Variants in CCBE1 observed in about 807,000 individuals in gnomAD.
CCBE1 encodes collagen and calcium binding EGF domains 1.
CCBE1 carries 37 observed loss-of-function variants against 50.0 expected under a neutral mutation model. The observed-to-expected ratio is 0.74, with a 90% CI of 0.57 to 0.97. The LOEUF (loss-of-function observed/expected upper bound fraction) is 0.97, where lower values mean the gene tolerates loss of function less well. Among genes scored for constraint, CCBE1 ranks in the 50% least tolerant of loss-of-function variants. The pLI is 0.00. For missense variants in CCBE1, 538 were observed against 523.8 expected (o/e 1.03, Z -0.26); for synonymous variants, 234 against 203.7 (o/e 1.15, Z -1.27).
At chr18:59,674,218 A>C (rs1354799014) in intron 2 of CCBE1, among the ~76,000 whole-genome samples, 2 of 152,228 alleles carry the variant, frequency 1.3e-5, no homozygotes, top group Non-Finnish European at 2.9e-5. Context: ...AAGACTTGGA[A>C]CCAACCCAAA....
At chr18:59,473,811 T>TC (rs1912170532) in intron 3 of CCBE1, among the ~76,000 whole-genome samples, 1 of 130,082 alleles carries the variant, frequency 7.7e-6, no homozygotes, top group Non-Finnish European at 1.6e-5. Context: ...ACCCTCCCAC[T>TC]ATTCCCCCCT....
rs889365566 is a variant in CCBE1, at chr18:59,596,394, G to A, written c.212+100235C>T. On this transcript the variant is annotated intron_variant, in intron 2 of 10. Transcript: ENST00000439986. Reference sequence around the variant, plus strand: ...CCTTGTTCAACACTGAAGGTGTCACGGGACTGTAAATTGACCATTTTGGAA... The same window carrying A: ...CCTTGTTCAACACTGAAGGTGTCACAGGACTGTAAATTGACCATTTTGGAA... Among the ~76,000 whole-genome samples the A allele has an allele frequency of 7.9e-5, 12 of 152,220 alleles. 1 individual carries two copies. In the East Asian group the frequency reaches 1.5e-3, roughly 20 times the overall value.
Position 59,693,007 on chromosome 18 carries a change from C to A in CCBE1, c.212+3622G>T, listed in dbSNP as rs902947144. 1.2e-3 allele frequency among the ~76,000 whole-genome samples: 174 copies of A among 146,676 alleles called. 2 individuals carry two copies. The highest frequency in any genetic ancestry group is 4.2e-3 in the African/African-American group (165 of 39,602). On this transcript the variant is annotated intron_variant, in intron 2 of 10. Coordinates refer to ENST00000439986, the MANE Select transcript of CCBE1 (RefSeq NM_133459.4). ...ACACACACACACACACACACACAAA[C>A]AAAAAACGCAAAGCCAAACCTATCT...
intron 2 of CCBE1, among the ~76,000 whole-genome samples, chr18:59,624,460 T>C (rs1568239858): frequency 2.0e-5 from 3 of 152,246 alleles, no homozygotes; most frequent in Non-Finnish European, 4.4e-5. Flanking sequence ...TTTGTGATTG[T>C]TGGAACTACC....
chr18:59,683,316 A>C (rs772641240), intron 2 of CCBE1, among the ~76,000 whole-genome samples: 4 of 152,246 alleles, frequency 2.6e-5, no homozygotes, highest in Admixed American at 6.5e-5. Flanking sequence ...ATAGTGGGTC[A>C]ATCTGTGCTA....
At chr18:59,618,114 G>A (rs35436477) in intron 2 of CCBE1, among the ~76,000 whole-genome samples, 9 of 152,168 alleles carry the variant, frequency 5.9e-5, no homozygotes, top group Middle Eastern at 3.4e-3. Flanking sequence ...ATGGATTAAC[G>A]TTCTATGTTA....
intron 2 of CCBE1, among the ~76,000 whole-genome samples, chr18:59,623,959 G>A (rs532692130): frequency 2.0e-5 from 3 of 152,256 alleles, no homozygotes; most frequent in South Asian, 2.1e-4. Context: ...CATGTTCCCC[G>A]GTGCAAACAC....
intron 2 of CCBE1, among the ~76,000 whole-genome samples, chr18:59,628,557 C>A (rs765373175): frequency 9.2e-5 from 14 of 152,188 alleles, no homozygotes; most frequent in Non-Finnish European, 1.8e-4. Flanking sequence ...TTCCCTGTAA[C>A]CACCGCGATG....
At chr18:59,680,428 C>A (rs1309695206) in intron 2 of CCBE1, among the ~76,000 whole-genome samples, 1 of 151,680 alleles carries the variant, frequency 6.6e-6, no homozygotes, top group Non-Finnish European at 1.5e-5. Context: ...AGGCCAGGCG[C>A]GGTGGTTTGC....
At chr18:59,511,324 A>G (rs141641848) in intron 2 of CCBE1, among the ~76,000 whole-genome samples, 2 of 152,340 alleles carry the variant, frequency 1.3e-5, no homozygotes, top group East Asian at 3.9e-4. Context: ...AATCAGAATG[A>G]TAACGATTAT....
intron 2 of CCBE1, among the ~76,000 whole-genome samples, chr18:59,655,390 A>G (rs886959186): frequency 6.6e-6 from 1 of 152,214 alleles, no homozygotes; most frequent in African/African-American, 2.4e-5. Flanking sequence ...TCCAGGAGAC[A>G]GAGGCTGAGC....
intron 2 of CCBE1, among the ~76,000 whole-genome samples, chr18:59,651,549 A>T (rs1344937911): frequency 6.6e-6 from 1 of 152,214 alleles, no homozygotes; most frequent in Non-Finnish European, 1.5e-5. Context: ...TGAGAATCAA[A>T]GAATGTGTTA....
intron 2 of CCBE1, among the ~76,000 whole-genome samples, chr18:59,633,441 A>G (rs932975657): frequency 1.6e-4 from 25 of 152,260 alleles, no homozygotes; most frequent in Non-Finnish European, 2.1e-4. Context: ...ATTCAGGCGT[A>G]TTGTTTCATT....
At chr18:59,678,141 G>A (rs1048083024) in intron 2 of CCBE1, among the ~76,000 whole-genome samples, 1 of 152,182 alleles carries the variant, frequency 6.6e-6, no homozygotes, top group African/African-American at 2.4e-5. Flanking sequence ...ACAGTTGATA[G>A]CTGAATTTTC....
Position 59,692,583 on chromosome 18 carries a change from G to A in CCBE1, c.212+4046C>T, listed in dbSNP as rs531926276. 1.8e-4 allele frequency among the ~76,000 whole-genome samples: 27 copies of A among 152,280 alleles called. No individual in the cohort carries two copies. In the South Asian group the frequency reaches 5.6e-3, roughly 32 times the overall value. On this transcript the variant is annotated intron_variant, in intron 2 of 10. Transcript: ENST00000439986. ...CCTAGAGCCCAATGCTATCAATCTG[G>A]TAGTACTATTCTAATTAAAAGGACC... is the stretch of plus-strand genomic sequence containing the variant.
At position 59,482,452 on chromosome 18, in the gene CCBE1, C is replaced by A. The variant is rs376153471; in HGVS notation, c.213-2214G>T. 4.2e-3 allele frequency among the ~76,000 whole-genome samples: 632 copies of A among 152,256 alleles called. 2 individuals carry two copies. The highest frequency in any genetic ancestry group is 0.014 in the African/African-American group (596 of 41,544). ...CAGCAATCCCATTACTGTGTATATACCCTAAGGATTATAAATCATTCTACT... is the reference window on the plus strand; with the variant it reads ...CAGCAATCCCATTACTGTGTATATAACCTAAGGATTATAAATCATTCTACT... On this transcript the variant is annotated intron_variant, in intron 2 of 10. Transcript: ENST00000439986.
chr18:59,624,307 A>G (rs957741806), intron 2 of CCBE1, among the ~76,000 whole-genome samples: 2 of 152,232 alleles, frequency 1.3e-5, no homozygotes, highest in Admixed American at 6.5e-5. Flanking sequence ...AGGTTCTGAC[A>G]GTATGCTTGG....
chr18:59,588,545 G>A (rs538301877), intron 2 of CCBE1, among the ~76,000 whole-genome samples: 9 of 152,264 alleles, frequency 5.9e-5, no homozygotes, highest in East Asian at 1.9e-4. Flanking sequence ...TTGGAACCAC[G>A]CAGTATGTTT....
At chr18:59,532,430 C>T (rs1170128176) in intron 2 of CCBE1, among the ~76,000 whole-genome samples, 1 of 152,190 alleles carries the variant, frequency 6.6e-6, no homozygotes, top group Non-Finnish European at 1.5e-5. Context: ...TGACTCCTTC[C>T]AGCCACAGCA....
Sources: gnomAD v4.1 joint callset for allele counts (sites outside exome capture counted in the v4.1 genomes callset) on GRCh38, gnomAD v4.1.1 for gene constraint, MANE v1.5 for transcripts, NCBI Gene and HGNC (gene_info 2026-07-23, HGNC 2026-07-21) for gene names.